The following SNRPN variants were observed in gnomAD, a reference collection of about 807,000 sequenced individuals.
The protein encoded by SNRPN is small nuclear ribonucleoprotein-associated protein N.
In SNRPN, 7 loss-of-function variants were observed where a neutral mutation model predicts 25.2. The observed-to-expected ratio is 0.28, with a 90% CI of 0.16 to 0.52. The LOEUF (loss-of-function observed/expected upper bound fraction) is 0.52, where lower values mean the gene tolerates loss of function less well. SNRPN is among the 20% of genes least tolerant of loss of function. The pLI is 0.96. For missense variants in SNRPN, 196 were observed against 322.5 expected (o/e 0.61, Z 3.00); for synonymous variants, 124 against 110.6 (o/e 1.12, Z -0.76).
At chr15:24,911,230 G>T (rs146151047) in intron 2 of SNRPN, 5,143 of 448,288 alleles carry the variant, frequency 0.011, 52 homozygotes, top group Non-Finnish European at 0.016. Context: ...GCCTTGTAAA[G>T]AATTTTTTAA....
intron 2 of SNRPN, among the ~76,000 whole-genome samples, chr15:24,908,598 AAGAAC>A (rs4028402): frequency 0.89 from 134,465 of 151,868 alleles, 59,797 homozygotes; most frequent in East Asian, 1. Flanking sequence ...TGTTCCTGGA[AAGAAC>A]AGAACAAGGT....
intron 3 of SNRPN, among the ~76,000 whole-genome samples, chr15:24,935,244 C>G (rs1404976485): frequency 6.6e-6 from 1 of 151,502 alleles, no homozygotes; most frequent in Non-Finnish European, 1.5e-5. Flanking sequence ...TACACTCCAG[C>G]ATGGGCAACA....
At chr15:24,874,890 G>A (rs1245874804) in intron 1 of SNRPN, among the ~76,000 whole-genome samples, 1 of 152,172 alleles carries the variant, frequency 6.6e-6, no homozygotes, top group Non-Finnish European at 1.5e-5. Context: ...TAGGAATGCT[G>A]TTGTTAGTGT....
chr15:24,835,634 T>G (rs1220080643), intron 2 of SNRPN, among the ~76,000 whole-genome samples: 1 of 141,246 alleles, frequency 7.1e-6, no homozygotes, highest in Non-Finnish European at 1.5e-5. Context: ...CATACATTCT[T>G]TCTGTTTGTT....
intron 3 of SNRPN, among the ~76,000 whole-genome samples, chr15:24,928,670 C>G (rs1370524876): frequency 6.6e-6 from 1 of 152,032 alleles, no homozygotes; most frequent in Non-Finnish European, 1.5e-5. Context: ...GGGTCTTGCC[C>G]TGTCACCCAG....
chr15:24,976,335 A>G lies in SNRPN; in HGVS notation c.186A>G (p.Glu62=). The G allele has an allele frequency of 6.2e-7, 1 of 1,613,676 alleles. No individual in the cohort carries two copies. ...KPKNAKQPER[E]EKRVLGLVLL... Reference sequence around the variant, plus strand: ...AGAATGCGAAGCAACCAGAGCGTGAAGAAAAGCGGGTTTTGGGTCTGGTGT... The same window carrying G: ...AGAATGCGAAGCAACCAGAGCGTGAGGAAAAGCGGGTTTTGGGTCTGGTGT... Residue 62 remains glutamate (E), a synonymous_variant, in exon 6 of 10, where the codon GAA becomes GAG. Transcript: ENST00000390687.
Position 24,967,958 on chromosome 15 carries a change from A to C in SNRPN, c.-268A>C. On this transcript the variant is annotated 5_prime_UTR_variant, in exon 3 of 10. Transcript: ENST00000390687. ...TGTCAGTTGTACCCGAGGCGTTCTC[A>C]GCAGCAGCAAGTACCTGTGGTGGAT... 4 of 1,614,130 alleles carry C rather than the reference A, an allele frequency of 2.5e-6. No individual in the cohort carries two copies. The highest frequency in any genetic ancestry group is 3.4e-6 in the Non-Finnish European group (4 of 1,180,012).
chr15:24,954,970 G>A, upstream of SNRPN: 5 of 1,598,144 alleles, frequency 3.1e-6, no homozygotes, highest in Admixed American at 1.7e-5. Context: ...GCCTGCCGCT[G>A]CTGCAGCGAG....
chr15:24,857,832 C>G (rs1174727919), intron 1 of SNRPN, among the ~76,000 whole-genome samples: 1 of 152,098 alleles, frequency 6.6e-6, no homozygotes, highest in African/African-American at 2.4e-5. Context: ...TATTATTACT[C>G]AAATCAATCT....
chr15:24,881,591 G>T (rs1441103565), intron 1 of SNRPN, among the ~76,000 whole-genome samples: 7 of 48,478 alleles, frequency 1.4e-4, no homozygotes, highest in Non-Finnish European at 2.2e-4. Context: ...GAGGGAGAGA[G>T]AGAGAGAGAG....
chr15:24,894,133 G>A (rs563756339), intron 2 of SNRPN, among the ~76,000 whole-genome samples: 2 of 152,178 alleles, frequency 1.3e-5, no homozygotes, highest in Admixed American at 6.5e-5. Flanking sequence ...TATTCCCACA[G>A]CCCCCCAACC....
chr15:24,974,565 C>CATCCAT, intron 4 of SNRPN, 109 bp downstream of exon 4: 2 of 1,010,690 alleles, frequency 2.0e-6, no homozygotes, highest in Non-Finnish European at 3.2e-6. Flanking sequence ...AATAAGGATA[C>CATCCAT]ATCCATGGAT....
At chr15:24,864,717 C>T (rs747925331) in intron 1 of SNRPN, among the ~76,000 whole-genome samples, 20 of 152,010 alleles carry the variant, frequency 1.3e-4, no homozygotes, top group Non-Finnish European at 2.5e-4. Flanking sequence ...CTGCATTCTA[C>T]AAATTTTGAT....
chr15:24,907,937 C>T (rs1595835210), intron 2 of SNRPN, among the ~76,000 whole-genome samples: 3 of 151,114 alleles, frequency 2.0e-5, no homozygotes, highest in South Asian at 2.1e-4. Flanking sequence ...CCTGTAATGC[C>T]AGCTACTCGG....
chr15:24,824,297 G>A (rs1308609655), intron 1 of SNRPN, among the ~76,000 whole-genome samples: 1 of 152,100 alleles, frequency 6.6e-6, no homozygotes, highest in Non-Finnish European at 1.5e-5. Flanking sequence ...AACACTGAGA[G>A]TCCCATTCTG....
At chr15:24,958,186 C>T (rs2063224370) in intron 1 of SNRPN, among the ~76,000 whole-genome samples, 1 of 152,134 alleles carries the variant, frequency 6.6e-6, no homozygotes, top group Admixed American at 6.5e-5. Context: ...TGTTCCTTTT[C>T]CTAATAAACA....
chr15:24,919,848 T>A (rs953680628), intron 2 of SNRPN, among the ~76,000 whole-genome samples: 1 of 152,230 alleles, frequency 6.6e-6, no homozygotes. Flanking sequence ...AAAGAATCTT[T>A]GTCAGTGTAC....
At chr15:24,917,419 G>C (rs2059595916) in intron 2 of SNRPN, among the ~76,000 whole-genome samples, 1 of 152,174 alleles carries the variant, frequency 6.6e-6, no homozygotes, top group Admixed American at 6.5e-5. Flanking sequence ...TCCTGAAGAG[G>C]AGAATTTAGT....
chr15:24,921,886 T>A (rs2060040895), intron 3 of SNRPN, among the ~76,000 whole-genome samples: 1 of 151,974 alleles, frequency 6.6e-6, no homozygotes, highest in African/African-American at 2.4e-5. Flanking sequence ...TTCCACCTGT[T>A]ATATGTTAGT....
Sources: gnomAD v4.1 joint callset for allele counts (sites outside exome capture counted in the v4.1 genomes callset) on GRCh38, gnomAD v4.1.1 for gene constraint, MANE v1.5 for transcripts, NCBI Gene and HGNC (gene_info 2026-07-23, HGNC 2026-07-21) for gene names.